WLS: variants seen among roughly 807,000 people sequenced by gnomAD.
The protein encoded by WLS is Wnt ligand secretion mediator.
In WLS, 23 loss-of-function variants were observed where a neutral mutation model predicts 62.8. The observed-to-expected ratio is 0.37, with a 90% CI of 0.26 to 0.52. The LOEUF (loss-of-function observed/expected upper bound fraction) is 0.52, where lower values mean the gene tolerates loss of function less well. Ranked by LOEUF, WLS falls within the 20% of genes least tolerant of loss-of-function variation. The pLI is 0.92. For missense variants in WLS, 615 were observed against 697.3 expected, an observed-to-expected ratio of 0.88 and a Z score of 1.33; for synonymous variants, 246 against 244.1, an observed-to-expected ratio of 1.01 and a Z score of -0.07.
chr1:68,126,443 G>A lies in WLS; in HGVS notation c.1517-108C>T. 7 of 1,425,042 alleles carry A rather than the reference G, an allele frequency of 4.9e-6. No individual in the cohort carries two copies. The South Asian group carries it at 5.2e-5, about 11-fold the overall frequency. The allele number at this position is 1,425,042 out of a possible 1,614,324, so 88.3% of individuals were successfully genotyped here. A position where few individuals can be genotyped will look rare whatever the true frequency, so the allele number is the denominator to read the frequency against. ...ATGCTAGCCCTCTTTGACATTCTGA[G>A]CACACAGAGACACCTAGGGCACACA... On this transcript the variant is annotated intron_variant, in intron 11 of 11. Transcript: ENST00000262348.
chr1:68,132,636 A>C (rs1384637109), intron 11 of WLS, among the ~76,000 whole-genome samples: 1 of 152,130 alleles, frequency 6.6e-6, no homozygotes, highest in African/African-American at 2.4e-5. Context: ...ATTAGACAGA[A>C]AATGCTTAGC....
intron 1 of WLS, among the ~76,000 whole-genome samples, chr1:68,218,371 G>A (rs912778372): frequency 3.9e-5 from 6 of 151,988 alleles, no homozygotes; most frequent in East Asian, 1.9e-4. Flanking sequence ...ACAAGAAATC[G>A]TACATCCAAG....
chr1:68,203,188 T>C (rs976569957), intron 1 of WLS, among the ~76,000 whole-genome samples: 1 of 152,240 alleles, frequency 6.6e-6, no homozygotes, highest in Non-Finnish European at 1.5e-5. Context: ...ATCCACCTAG[T>C]TAACAAGTAA....
chr1:68,192,907 C>A (rs1432336242), intron 2 of WLS, among the ~76,000 whole-genome samples: 1 of 135,334 alleles, frequency 7.4e-6, no homozygotes, highest in Non-Finnish European at 1.6e-5. Flanking sequence ...GCAGCCTGGC[C>A]AACATGGTAA....
At chr1:68,209,663 C>T (rs1649430585) in intron 1 of WLS, among the ~76,000 whole-genome samples, 1 of 152,054 alleles carries the variant, frequency 6.6e-6, no homozygotes, top group African/African-American at 2.4e-5. Context: ...GCCTGTAATC[C>T]CAGCTACTCA....
chr1:68,101,961 C>A (rs1646084439), intron 11 of WLS, among the ~76,000 whole-genome samples: 1 of 152,184 alleles, frequency 6.6e-6, no homozygotes. Flanking sequence ...TGTTGATTTT[C>A]ATTTTCCAAG....
chr1:68,222,112 CAT>C (rs1476330698), intron 1 of WLS, among the ~76,000 whole-genome samples: 1 of 152,168 alleles, frequency 6.6e-6, no homozygotes, highest in Non-Finnish European at 1.5e-5. Context: ...AAGAATTAGT[CAT>C]AGATTTTTTT....
chr1:68,162,216 C>A (rs143254758), intron 2 of WLS: 1 of 1,462,456 alleles, frequency 6.8e-7, no homozygotes, highest in South Asian at 1.1e-5. Flanking sequence ...AGAGGGCTGC[C>A]CCTCGTATCC....
intron 3 of WLS, among the ~76,000 whole-genome samples, chr1:68,158,500 T>C (rs1193874514): frequency 2.0e-5 from 3 of 151,954 alleles, no homozygotes; most frequent in Admixed American, 6.6e-5. Context: ...AGTCCAGGGG[T>C]GTCCAATCTT....
chr1:68,137,101 C>G (rs1448844855), intron 11 of WLS, among the ~76,000 whole-genome samples: 1 of 152,238 alleles, frequency 6.6e-6, no homozygotes, highest in African/African-American at 2.4e-5. Context: ...TTAATCATTT[C>G]TGTCTGCTGT....
chr1:68,174,767 C>T (rs780379972), intron 2 of WLS, among the ~76,000 whole-genome samples: 7 of 152,308 alleles, frequency 4.6e-5, no homozygotes, highest in Non-Finnish European at 7.3e-5. Context: ...ACACCTGCCC[C>T]GAATGCCATC....
chr1:68,216,164 A>C (rs980931878), intron 1 of WLS, among the ~76,000 whole-genome samples: 9 of 152,186 alleles, frequency 5.9e-5, no homozygotes, highest in African/African-American at 2.2e-4. Context: ...TATTTTTTAA[A>C]ACTACTCTTT....
At chr1:68,205,172 C>T (rs1385908396) in intron 1 of WLS, among the ~76,000 whole-genome samples, 1 of 152,174 alleles carries the variant, frequency 6.6e-6, no homozygotes, top group Non-Finnish European at 1.5e-5. Context: ...GCCAGAGCTG[C>T]CTTCCGTGAG....
intron 1 of WLS, among the ~76,000 whole-genome samples, chr1:68,230,583 G>GCA (rs1650362133): frequency 2.5e-5 from 1 of 40,754 alleles, no homozygotes; most frequent in Non-Finnish European, 1.0e-4. Context: ...GTGTGTGTGT[G>GCA]CGCGCGTGTG....
chr1:68,100,731 G>A (rs1444693324), intron 11 of WLS: 2 of 152,054 alleles, frequency 1.3e-5, no homozygotes, highest in Non-Finnish European at 2.9e-5. Flanking sequence ...ACTCTTTGTG[G>A]CAATAAGATA....
chr1:68,131,334 TG>T (rs1646521493), intron 11 of WLS, among the ~76,000 whole-genome samples: 1 of 152,164 alleles, frequency 6.6e-6, no homozygotes, highest in African/African-American at 2.4e-5. Context: ...TCTGCATGGC[TG>T]GGTCTAGCCT....
rs1306927132 is a variant in WLS at position 68,126,189 on chromosome 1, G to T, written c.*37C>A. 24 of 1,612,256 alleles carry T rather than the reference G, an allele frequency of 1.5e-5. No individual in the cohort carries two copies. The highest frequency in any genetic ancestry group is 1.8e-5 in the Non-Finnish European group (21 of 1,179,154). ...CCCCACTCTAGTTAGAGGGGCTGGGGTATGGAGAGACCGTCCCAGCCGGGC... is the reference window on the plus strand; with the variant it reads ...CCCCACTCTAGTTAGAGGGGCTGGGTTATGGAGAGACCGTCCCAGCCGGGC... On this transcript the variant is annotated 3_prime_UTR_variant, in exon 12 of 12. Transcript: ENST00000262348.
chr1:68,192,709 A>G (rs1235056393), intron 2 of WLS, among the ~76,000 whole-genome samples: 5 of 147,258 alleles, frequency 3.4e-5, no homozygotes, highest in African/African-American at 5.0e-5. Context: ...TATGCTACTG[A>G]ACTCCAGCCT....
chr1:68,132,774 AAAG>A (rs773167513), intron 11 of WLS, among the ~76,000 whole-genome samples: 19 of 152,158 alleles, frequency 1.2e-4, no homozygotes, highest in Non-Finnish European at 1.9e-4. Context: ...TTTATAATCA[AAAG>A]AACACAAAAA....
Sources: allele counts gnomAD v4.1 joint callset (sites outside exome capture counted in the v4.1 genomes callset), GRCh38; gene constraint gnomAD v4.1.1; transcripts MANE v1.5; gene names NCBI Gene and HGNC (gene_info 2026-07-23, HGNC 2026-07-21).